The following TENM3 variants were observed in gnomAD, a reference collection of about 807,000 sequenced individuals.
The protein encoded by TENM3 is teneurin transmembrane protein 3, also known as teneurin-3.
Under a neutral mutation model 255.1 loss-of-function variants are expected in TENM3, and 63 were observed. The ratio of observed to expected loss-of-function variants is 0.25; its 90% CI spans 0.20 to 0.30. TENM3 has a LOEUF of 0.30. Ranked by LOEUF, TENM3 falls within the 10% of genes least tolerant of loss-of-function variation. TENM3 has a pLI of 1.00. For missense variants in TENM3, 2,929 were observed against 3,461.1 expected, an observed-to-expected ratio of 0.85 and a Z score of 3.86; for synonymous variants, 1,306 against 1,322.3, an observed-to-expected ratio of 0.99 and a Z score of 0.27.
At chr4:182,376,658 C>T (rs550590906) in intron 3 of TENM3, among the ~76,000 whole-genome samples, 1 of 151,702 alleles carries the variant, frequency 6.6e-6, no homozygotes, top group South Asian at 2.1e-4. Context: ...GGAGCAGCAA[C>T]GTGGCAGAGG....
chr4:182,729,225 A>G (rs370875322), intron 14 of TENM3, 44 bp downstream of exon 14: 5 of 1,494,596 alleles, frequency 3.3e-6, no homozygotes, highest in Non-Finnish European at 4.7e-6. Context: ...TGATGTTATC[A>G]ACAGTTACAT....
At chr4:181,687,694 A>G in the TENM3 span, among the ~76,000 whole-genome samples, 4 of 152,140 alleles carry the variant, frequency 2.6e-5, no homozygotes, top group Non-Finnish European at 4.4e-5. Context: ...TCGTATCAGA[A>G]ATTCCCATGA....
the TENM3 span, among the ~76,000 whole-genome samples, chr4:181,654,446 C>T: frequency 6.6e-6 from 1 of 152,006 alleles, no homozygotes; most frequent in Non-Finnish European, 1.5e-5. Flanking sequence ...GCTACATCGA[C>T]AAGTTCATTT....
intron 18 of TENM3, among the ~76,000 whole-genome samples, chr4:182,740,230 G>T (rs933393139): frequency 6.6e-6 from 1 of 152,128 alleles, no homozygotes; most frequent in Non-Finnish European, 1.5e-5. Flanking sequence ...TTTGCACCCC[G>T]AATTAAACAG....
the TENM3 span, among the ~76,000 whole-genome samples, chr4:181,815,053 C>T: frequency 0.053 from 8,119 of 152,082 alleles, 281 homozygotes; most frequent in South Asian, 0.15. Context: ...AAGGAGAATA[C>T]ATCTATTCAA....
chr4:181,454,949 C>T, the TENM3 span, among the ~76,000 whole-genome samples: 1 of 152,030 alleles, frequency 6.6e-6, no homozygotes, highest in African/African-American at 2.4e-5. Context: ...ACAGGTTTCT[C>T]AGAACACCTT....
chr4:181,664,087 G>C, the TENM3 span, among the ~76,000 whole-genome samples: 1 of 152,062 alleles, frequency 6.6e-6, no homozygotes, highest in African/African-American at 2.4e-5. Context: ...TTCCAATTCT[G>C]GCTCTACCAC....
chr4:182,054,804 A>T, the TENM3 span, among the ~76,000 whole-genome samples: 1 of 152,082 alleles, frequency 6.6e-6, no homozygotes, highest in Non-Finnish European at 1.5e-5. Context: ...AAAAATAAAA[A>T]TTTTTTAATT....
chr4:181,595,104 A>G, the TENM3 span, among the ~76,000 whole-genome samples: 2 of 152,072 alleles, frequency 1.3e-5, no homozygotes, highest in South Asian at 4.2e-4. Flanking sequence ...GGCTCATTCC[A>G]TCTACCACTT....
intron 1 of TENM3, among the ~76,000 whole-genome samples, chr4:182,236,573 G>A (rs544967049): frequency 4.6e-5 from 7 of 152,202 alleles, no homozygotes; most frequent in East Asian, 1.9e-4. Flanking sequence ...CAGTGTAGAC[G>A]TTAAATAATT....
the TENM3 span, among the ~76,000 whole-genome samples, chr4:181,655,358 G>A: frequency 1.3e-5 from 2 of 152,200 alleles, no homozygotes; most frequent in Non-Finnish European, 2.9e-5. Flanking sequence ...AAGAGTCGGA[G>A]GCTAAGGAGA....
intron 6 of TENM3, among the ~76,000 whole-genome samples, chr4:182,655,486 G>C (rs1190529477): frequency 6.6e-6 from 1 of 152,176 alleles, no homozygotes; most frequent in Non-Finnish European, 1.5e-5. Context: ...TGGGTGCTGG[G>C]TGCTGGCTGC....
In TENM3 at chr4:182,799,243, T is replaced by C. The variant is rs1200186719; in HGVS notation, c.7345-353T>C. Among the ~76,000 whole-genome samples, 3 of 152,200 alleles carry C rather than the reference T, an allele frequency of 2.0e-5. No homozygotes were observed. Among genetic ancestry groups the C allele is most frequent in the African/African-American group, 7.2e-5 (3 of 41,454 alleles). ...CCTCCTGTGGAGAAAGCTACGAGCATGCAGATCCGGATGAGCTGGGTTCCC... is the reference window on the plus strand; with the variant it reads ...CCTCCTGTGGAGAAAGCTACGAGCACGCAGATCCGGATGAGCTGGGTTCCC... On this transcript the variant is annotated intron_variant, in intron 27 of 27. Transcript: ENST00000511685. This position sits in a 1 kb window ranked among gnomAD's most constrained non-coding sequence, Gnocchi z 4.2.
At chr4:181,851,442 T>C in the TENM3 span, among the ~76,000 whole-genome samples, 1 of 151,978 alleles carries the variant, frequency 6.6e-6, no homozygotes, top group African/African-American at 2.4e-5. Flanking sequence ...CCCAGAAGAG[T>C]AAAACCATTA....
chr4:181,535,995 C>T, the TENM3 span, among the ~76,000 whole-genome samples: 1 of 152,090 alleles, frequency 6.6e-6, no homozygotes, highest in African/African-American at 2.4e-5. Context: ...AAAAAAAATT[C>T]CACTCAATAT....
chr4:182,144,723 A>AGCGAGCCGGCGGCGCGG (rs1408814107), exon 1 of TENM3: 10 of 142,190 alleles, frequency 7.0e-5, no homozygotes, highest in African/African-American at 2.3e-4. Context: ...GCTGCCGGGG[A>AGCGAGCCGGCGGCGCGG]GCGAGCCGGC....
the TENM3 span, among the ~76,000 whole-genome samples, chr4:182,061,071 T>A: frequency 6.6e-6 from 1 of 152,168 alleles, no homozygotes; most frequent in Non-Finnish European, 1.5e-5. Flanking sequence ...CAGTTGTCAT[T>A]TCTATGACAT....
At chr4:181,809,099 A>G in the TENM3 span, among the ~76,000 whole-genome samples, 2 of 152,246 alleles carry the variant, frequency 1.3e-5, no homozygotes, top group African/African-American at 4.8e-5. Flanking sequence ...TTTAACTGCC[A>G]GTTGATCACA....
the TENM3 span, among the ~76,000 whole-genome samples, chr4:182,106,168 A>G: frequency 6.6e-6 from 1 of 152,174 alleles, no homozygotes; most frequent in Non-Finnish European, 1.5e-5. Flanking sequence ...CTTCTAGGGC[A>G]AGGTTAAATC....
Sources: gnomAD v4.1 joint callset for allele counts (sites outside exome capture counted in the v4.1 genomes callset) on GRCh38, gnomAD v4.1.1 for gene constraint, Gnocchi (gnomAD v3.1) non-coding constraint, MANE v1.5 for transcripts, NCBI Gene and HGNC (gene_info 2026-07-23, HGNC 2026-07-21) for gene names.